The following CEMIP2 variants were observed in gnomAD, a reference collection of about 807,000 sequenced individuals.
CEMIP2 encodes cell migration inducing hyaluronidase 2.
In CEMIP2, 79 loss-of-function variants were observed where a neutral mutation model predicts 146.9. The ratio of observed to expected loss-of-function variants is 0.54; its 90% CI spans 0.45 to 0.65. CEMIP2 has a LOEUF of 0.65. Ranked by LOEUF, CEMIP2 falls within the 30% of genes least tolerant of loss-of-function variation. The pLI, the probability that CEMIP2 is intolerant of heterozygous loss-of-function variation, is 0.00. For missense variants in CEMIP2, 1,596 were observed against 1,696.2 expected, an observed-to-expected ratio of 0.94 and a Z score of 1.04; for synonymous variants, 601 against 606.3, an observed-to-expected ratio of 0.99 and a Z score of 0.13.
chr9:71,769,004 C>T (rs1824892162), upstream of CEMIP2: 1 of 152,174 alleles, frequency 6.6e-6, no homozygotes, highest in South Asian at 2.1e-4. Flanking sequence ...GCCGGCCCCG[C>T]TCCCCGCGAG....
chr9:71,767,598 T>C (rs1324417041), intron 1 of CEMIP2, among the ~76,000 whole-genome samples: 1 of 152,188 alleles, frequency 6.6e-6, no homozygotes, highest in African/African-American at 2.4e-5. Context: ...ATCCAGGGAA[T>C]TCAGGACCTT....
chr9:71,697,315 T>A (rs1822430567), intron 20 of CEMIP2, among the ~76,000 whole-genome samples: 1 of 152,240 alleles, frequency 6.6e-6, no homozygotes, highest in Non-Finnish European at 1.5e-5. Flanking sequence ...CTGATTTCCT[T>A]TGGAACTCCT....
At chr9:71,696,386 G>C (rs1181597950) in intron 20 of CEMIP2, among the ~76,000 whole-genome samples, 1 of 151,716 alleles carries the variant, frequency 6.6e-6, no homozygotes, top group Non-Finnish European at 1.5e-5. Flanking sequence ...TGGTTTCTCT[G>C]GTTGGTTGAT....
At position 71,730,870 on chromosome 9, in the gene CEMIP2, C is replaced by T; in HGVS notation, c.1608G>A (p.Leu536=). The T allele has an allele frequency of 6.2e-7, 1 of 1,614,148 alleles. No individual in the cohort carries two copies. The highest frequency in any genetic ancestry group is 8.5e-7 in the Non-Finnish European group (1 of 1,180,024). ...CCATCTGCTGCTGACCCATGTGTTT[C>T]AATTCCACATAAGAAAGATGGACTG... is the stretch of plus-strand genomic sequence containing the variant. ...FTSVHLSYVE[L]KHMGQQQMGR... is the part of the protein sequence containing the mutation. Residue 536 remains leucine (L), a synonymous_variant, in exon 8 of 24, where the codon TTG becomes TTA. Transcript: ENST00000377044.
intron 1 of CEMIP2, among the ~76,000 whole-genome samples, chr9:71,766,076 T>C (rs1419756017): frequency 6.6e-6 from 1 of 151,660 alleles, no homozygotes. Flanking sequence ...TTTTTTCTTT[T>C]TTTTTTTTTC....
rs1282297268 is a variant in CEMIP2 at position 71,731,857 on chromosome 9, ATAT to A, written c.1563+491_1563+493del. On this transcript the variant is annotated intron_variant, in intron 7 of 23. Transcript: ENST00000377044. Reference sequence around the variant, plus strand: ...GCCCAGAAGTCCAACAGATTAGTATATATTAATAGAATACTGCCTAGCATATAG... The same window carrying A: ...GCCCAGAAGTCCAACAGATTAGTATATAATAGAATACTGCCTAGCATATAG... 7.9e-5 allele frequency among the ~76,000 whole-genome samples: 12 copies of A among 152,350 alleles called. No individual in the cohort carries two copies. The East Asian group carries it at 1.9e-3, about 24-fold the overall frequency.
At chr9:71,748,490 A>G (rs3780612) in intron 2 of CEMIP2, among the ~76,000 whole-genome samples, 67,877 of 152,094 alleles carry the variant, frequency 0.45, 18,560 homozygotes, top group Non-Finnish European at 0.6. Flanking sequence ...AAGGAACCAT[A>G]TCAGCAATGC....
At chr9:71,728,281 G>GTATATATATATATATACGTA in intron 10 of CEMIP2, among the ~76,000 whole-genome samples, 1 of 9,250 alleles carries the variant, frequency 1.1e-4, no homozygotes, top group South Asian at 4.2e-3. Context: ...ATATATATAT[G>GTATATATATATATATACGTA]TATATATATA....
chr9:71,698,366 C>A, intron 19 of CEMIP2, 162 bp from the exon 20 acceptor site: 1 of 628,354 alleles, frequency 1.6e-6, no homozygotes, highest in East Asian at 2.8e-5. Flanking sequence ...TCTTTCTATC[C>A]TTCAAGGGTC....
Position 71,700,798 on chromosome 9 carries a change from C to G in CEMIP2, c.3221G>C (p.Cys1074Ser), listed in dbSNP as rs368397010. The stretch of plus-strand genomic sequence containing the variant: ...TTGAAAACTTGTGTTTGATGGATAG[C>G]AAAGGCCAACTCGAATCCAGTCATT... ...NKNDWIRVGLCYPSNTSFQVT... is the reference protein window; with the variant it reads ...NKNDWIRVGLSYPSNTSFQVT... The change falls in exon 19 of 24, where the codon TGC (cysteine) becomes TCC (serine). Residue 1074 changes from cysteine to serine, a missense_variant. By Grantham distance (112) the Cys-to-Ser change is moderately radical (BLOSUM62 -1). Transcript: ENST00000377044. 5.6e-6 allele frequency: 9 copies of G among 1,608,822 alleles called. No individual in the cohort carries two copies. The highest frequency in any genetic ancestry group is 7.6e-6 in the Non-Finnish European group (9 of 1,178,844).
intron 4 of CEMIP2, 112 bp from the exon 5 acceptor site, chr9:71,740,344 A>G (rs1823878900): frequency 1.5e-6 from 2 of 1,313,696 alleles, no homozygotes; most frequent in Non-Finnish European, 2.1e-6. Context: ...ATTTTCGTCA[A>G]TCCCTAATGT....
Position 71,690,153 on chromosome 9 carries a change from C to T in CEMIP2, c.3790G>A (p.Val1264Ile). The change falls in exon 22 of 24, where the codon GTT (valine) becomes ATT (isoleucine). Residue 1264 changes from valine (V) to isoleucine (I), a missense_variant. Val to Ile is a conservative substitution (Grantham distance 29). Transcript: ENST00000377044. ...SVPFRLTEKT[V>I]FPLADVSRIE... Reference sequence around the variant, plus strand: ...CGACTGACATCAGCAAGAGGAAAAACCGTTTTTTCCGTCAAGCGGAATGGA... The same window carrying T: ...CGACTGACATCAGCAAGAGGAAAAATCGTTTTTTCCGTCAAGCGGAATGGA... 1 of 1,614,166 alleles carries T rather than the reference C, an allele frequency of 6.2e-7. No homozygotes were observed. The highest frequency in any genetic ancestry group is 1.1e-5 in the South Asian group (1 of 91,084).
intron 2 of CEMIP2, among the ~76,000 whole-genome samples, chr9:71,748,976 G>C (rs1564024127): frequency 6.6e-6 from 1 of 152,196 alleles, no homozygotes; most frequent in Non-Finnish European, 1.5e-5. Flanking sequence ...ATGGTACCCA[G>C]TCCAGGCTGT....
Position 71,698,129 on chromosome 9 carries a change from T to C in CEMIP2, c.3453A>G (p.Arg1151=), listed in dbSNP as rs749790158. 2 of 1,614,156 alleles carry C rather than the reference T, an allele frequency of 1.2e-6. No homozygotes were observed. The highest frequency in any genetic ancestry group is 1.7e-6 in the Non-Finnish European group (2 of 1,180,036). ...HSYCSSQGCE[R]VKIQAATDSK... is the part of the protein sequence containing the mutation. ...AGTCTGTGGCTGCTTGGATCTTGAC[T>C]CTTTCACATCCCTGAGATGAACAGT... The change falls in exon 20 of 24, where the codon AGA becomes AGG. Residue 1151 remains arginine (R), a synonymous_variant. Transcript: ENST00000377044.
chr9:71,728,729 C>T (rs10120540), intron 10 of CEMIP2, among the ~76,000 whole-genome samples: 10,750 of 151,930 alleles, frequency 0.071, 398 homozygotes, highest in Middle Eastern at 0.13. Flanking sequence ...AAGGGTGTGC[C>T]CCCTGACCAG....
Position 71,684,527 on chromosome 9 carries a change from A to G in CEMIP2, c.*670T>C, listed in dbSNP as rs925353270. 10 of 152,628 alleles carry G rather than the reference A, an allele frequency of 6.6e-5. No homozygotes were observed. Among genetic ancestry groups the G allele is most frequent in the African/African-American group, 1.2e-4 (5 of 41,446 alleles). 9.5% of individuals were successfully genotyped at this position (152,628 alleles called of 1,614,324 possible). ...TTGCTGCAGGAAAATTTTTTGCCCA[A>G]TGGTCACAGATTAAAGGGATATCTA... On this transcript the variant is annotated 3_prime_UTR_variant, in exon 24 of 24. Transcript: ENST00000377044.
chr9:71,704,427 A>G (rs10869053), intron 18 of CEMIP2, 168 bp downstream of exon 18: 348,308 of 657,262 alleles, frequency 0.53, 98,299 homozygotes, highest in Non-Finnish European at 0.6. Context: ...TTCAATTTGT[A>G]TAATCTCTTT....
intron 13 of CEMIP2, 106 bp downstream of exon 13, chr9:71,717,842 A>T: frequency 9.2e-7 from 1 of 1,082,276 alleles, no homozygotes; most frequent in Non-Finnish European, 1.3e-6. Flanking sequence ...TAATAATAAT[A>T]TGATTCCAAG....
At chr9:71,762,179 A>C (rs1824654494) in intron 1 of CEMIP2, among the ~76,000 whole-genome samples, 1 of 152,112 alleles carries the variant, frequency 6.6e-6, no homozygotes, top group Admixed American at 6.5e-5. Context: ...AGCCAAACAA[A>C]AGGGCCATCT....
Sources: allele counts gnomAD v4.1 joint callset (sites outside exome capture counted in the v4.1 genomes callset), GRCh38; gene constraint gnomAD v4.1.1; transcripts MANE v1.5; gene names NCBI Gene and HGNC (gene_info 2026-07-23, HGNC 2026-07-21).